ZCCHC8: variants seen among roughly 807,000 people sequenced by gnomAD.
The protein encoded by ZCCHC8 is zinc finger CCHC-type containing 8, also known as zinc finger CCHC domain-containing protein 8.
In ZCCHC8, 27 loss-of-function variants were observed where a neutral mutation model predicts 70.6. That is an observed-to-expected ratio of 0.38 (90% CI 0.28 to 0.53). The LOEUF (loss-of-function observed/expected upper bound fraction) is 0.53. Ranked by LOEUF, ZCCHC8 falls within the 20% of genes least tolerant of loss-of-function variation. ZCCHC8 has a pLI of 0.81. For synonymous variants in ZCCHC8, 293 were observed against 317.4 expected (o/e 0.92, Z 0.82); for missense variants, 737 against 876.9 (o/e 0.84, Z 2.01).
chr12:122,473,520 T>C lies in ZCCHC8; in HGVS notation c.2101A>G (p.Lys701Glu). Residue 701 changes from lysine (K) to glutamate (E), a missense_variant, in exon 14 of 14, where the codon AAA becomes GAA. By Grantham distance (56) the Lys-to-Glu change is moderately conservative. Transcript: ENST00000633063. ...CATTATTCAGAGGCCTTTTTGTTTTTCTGCTGGTTTCGGGGTGAGTTCTTT... is the reference window on the plus strand; with the variant it reads ...CATTATTCAGAGGCCTTTTTGTTTTCCTGCTGGTTTCGGGGTGAGTTCTTT... ...LLKNSPRNQQ[K>E]NKKASE 1 of 1,613,554 alleles carries C rather than the reference T, an allele frequency of 6.2e-7. No individual in the cohort carries two copies. Among genetic ancestry groups the C allele is most frequent in the Non-Finnish European group, 8.5e-7 (1 of 1,179,674 alleles).
chr12:122,482,727 T>G, intron 7 of ZCCHC8, 32 bp from the exon 8 acceptor site: 1 of 1,564,790 alleles, frequency 6.4e-7, no homozygotes, highest in Non-Finnish European at 8.7e-7. Context: ...ATTTTTATAA[T>G]GTCAATAAAA....
chr12:122,482,377 A>G (rs1283989922), intron 8 of ZCCHC8: 1 of 425,638 alleles, frequency 2.3e-6, no homozygotes, highest in Non-Finnish European at 4.1e-6. Context: ...TTATTTACTG[A>G]AAAAATTTAA....
At chr12:122,494,726 G>A (rs534759019) in intron 2 of ZCCHC8, among the ~76,000 whole-genome samples, 34 of 152,172 alleles carry the variant, frequency 2.2e-4, no homozygotes, top group African/African-American at 7.7e-4. Flanking sequence ...GTGGCGGCAC[G>A]CGCCTGTAGT....
intron 2 of ZCCHC8, 32 bp from the exon 3 acceptor site, chr12:122,492,821 G>A: frequency 7.1e-7 from 1 of 1,409,860 alleles, no homozygotes; most frequent in South Asian, 1.3e-5. Flanking sequence ...ATTCTTAGAA[G>A]ATATTTAAGT....
chr12:122,477,789 TC>T (rs1482209343), intron 13 of ZCCHC8, 51 bp downstream of exon 13: 2 of 1,134,966 alleles, frequency 1.8e-6, no homozygotes, highest in Non-Finnish European at 2.5e-6. Flanking sequence ...AGACTCCATC[TC>T]AAAAAAAAAA....
chr12:122,480,105 C>A (rs1957502629), intron 11 of ZCCHC8, 85 bp downstream of exon 11: 2 of 1,293,590 alleles, frequency 1.5e-6, no homozygotes, highest in Non-Finnish European at 2.1e-6. Flanking sequence ...AGCCACTATG[C>A]CTAGCCAACA....
At chr12:122,484,429 T>C (rs995495026) in intron 5 of ZCCHC8, among the ~76,000 whole-genome samples, 5 of 151,016 alleles carry the variant, frequency 3.3e-5, no homozygotes, top group Admixed American at 2.6e-4. Context: ...TTTTTTTTTT[T>C]TGAGGCAGGG....
chr12:122,473,477 C>G lies in ZCCHC8; in HGVS notation c.*20G>C, dbSNP rs563787285. The G allele has an allele frequency of 1.1e-5, 18 of 1,605,784 alleles. No individual in the cohort carries two copies. The highest frequency in any genetic ancestry group is 6.7e-5 in the African/African-American group (5 of 74,496). ...AACGGAACAAAGTTATTAAATAGCT[C>G]TCAGTGCTAAGTCAAGCCATTATTC... On this transcript the variant is annotated 3_prime_UTR_variant, in exon 14 of 14. Coordinates refer to ENST00000633063, the MANE Select transcript of ZCCHC8 (RefSeq NM_017612.5).
At chr12:122,477,296 A>T (rs912332096) in intron 13 of ZCCHC8, among the ~76,000 whole-genome samples, 1 of 148,624 alleles carries the variant, frequency 6.7e-6, no homozygotes, top group African/African-American at 2.4e-5. Flanking sequence ...CTGGGACTAC[A>T]GGCGCCCACC....
chr12:122,481,849 T>C, intron 9 of ZCCHC8, 96 bp downstream of exon 9: 1 of 1,464,344 alleles, frequency 6.8e-7, no homozygotes, highest in Non-Finnish European at 9.1e-7. Flanking sequence ...TTTGCCAGAG[T>C]ACACTTATAT....
rs1198800051 is a variant in ZCCHC8 at position 122,478,292 on chromosome 12, C to T, written c.1141G>A (p.Glu381Lys). 1.3e-6 allele frequency: 2 copies of T among 1,577,080 alleles called. No homozygotes were observed. The highest frequency in any genetic ancestry group is 2.4e-5 in the South Asian group (2 of 83,518). Residue 381 changes from glutamate to lysine, a missense_variant and splice_region_variant, in exon 12 of 14, where the codon GAA (glutamate) becomes AAA (lysine). By Grantham distance (56) the Glu-to-Lys change is moderately conservative. Transcript: ENST00000633063. ...GGTATGGAACCAAAGATCCTCCATT[C>T]CTAATGATGAAAAGAGAAGGAAAAA... ...NISTPRGIPD[E>K]WRIFGSIPMQ...
chr12:122,499,005 A>G lies in ZCCHC8; in HGVS notation c.200-136T>C, dbSNP rs752047309. ...CGGATATTTTGAGGATGACACACTT[A>G]TTGAGCTTCTATTTTGTTGCAGGGG... On this transcript the variant is annotated intron_variant, in intron 1 of 13. Transcript: ENST00000633063. 1.1e-4 allele frequency: 89 copies of G among 809,726 alleles called. 1 individual carries two copies. Among genetic ancestry groups the G allele is most frequent in the Middle Eastern group, 4.6e-4 (2 of 4,394 alleles). 50.2% of individuals were successfully genotyped at this position (809,726 alleles called of 1,614,324 possible). A position where few individuals can be genotyped will look rare whatever the true frequency, so the allele number is the denominator to read the frequency against.
chr12:122,498,228 G>A lies in ZCCHC8; in HGVS notation c.242+599C>T, dbSNP rs560516572. 2.1e-4 allele frequency among the ~76,000 whole-genome samples: 29 copies of A among 139,744 alleles called. No homozygotes were observed. The South Asian group carries it at 3.3e-3, about 16-fold the overall frequency. The allele number at this position is 139,744 out of a possible 152,430, so 91.7% of individuals were successfully genotyped here. On this transcript the variant is annotated intron_variant, in intron 2 of 13. Coordinates refer to ENST00000633063, the MANE Select transcript of ZCCHC8 (RefSeq NM_017612.5). ...CAGCTCACTGCAACCTCTACCTCCCGGGTTCAAGGGATTTTCCTGCCTTAG... is the reference window on the plus strand; with the variant it reads ...CAGCTCACTGCAACCTCTACCTCCCAGGTTCAAGGGATTTTCCTGCCTTAG...
intron 5 of ZCCHC8, among the ~76,000 whole-genome samples, chr12:122,488,199 T>C (rs1407691211): frequency 6.6e-6 from 1 of 152,120 alleles, no homozygotes; most frequent in Non-Finnish European, 1.5e-5. Flanking sequence ...ACTTGGCTAA[T>C]TTTTGTATTT....
rs573758330 is a variant in ZCCHC8, at chr12:122,477,989, A to G, written c.1228-31T>C. On this transcript the variant is annotated intron_variant, in intron 12 of 13. Coordinates refer to ENST00000633063, the MANE Select transcript of ZCCHC8 (RefSeq NM_017612.5). ...AGAGCAACCAGACCAAACACAAGTT[A>G]AGCGGGGTAGATAATGAATTAAACT... 309 of 1,521,632 alleles carry G rather than the reference A, an allele frequency of 2.0e-4. 2 individuals carry two copies. In the South Asian group the frequency reaches 3.1e-3, roughly 15 times the overall value. 94.3% of individuals were successfully genotyped at this position (1,521,632 alleles called of 1,614,324 possible).
In ZCCHC8 at chr12:122,482,641, G is replaced by A; in HGVS notation, c.726C>T (p.Cys242=). 6.2e-7 allele frequency: 1 copy of A among 1,604,358 alleles called. No individual in the cohort carries two copies. Among genetic ancestry groups the A allele is most frequent in the East Asian group, 2.2e-5 (1 of 44,698 alleles). The part of the protein sequence containing the change: ...CGSEEHQMKD[C]PMPRNAARIS... Reference sequence around the variant, plus strand: ...TAACATGAGAAAAATTTACCATTGGGCAATCTTTCATTTGGTGTTCTTCAG... The same window carrying A: ...TAACATGAGAAAAATTTACCATTGGACAATCTTTCATTTGGTGTTCTTCAG... Residue 242 remains cysteine (C), a synonymous_variant, in exon 8 of 14, where the codon TGC becomes TGT. Transcript: ENST00000633063.
chr12:122,473,747 T>A lies in ZCCHC8; in HGVS notation c.1874A>T (p.Asp625Val). 6.2e-7 allele frequency: 1 copy of A among 1,613,744 alleles called. No homozygotes were observed. The highest frequency in any genetic ancestry group is 8.5e-7 in the Non-Finnish European group (1 of 1,179,630). ...APVNTEGALL[D>V]NGSVVPNCDI... ...ACAGTTTGGTACGACACTGCCATTATCAAGAAGGGCACCTTCAGTGTTTAC... is the reference window on the plus strand; with the variant it reads ...ACAGTTTGGTACGACACTGCCATTAACAAGAAGGGCACCTTCAGTGTTTAC... The change falls in exon 14 of 14, where the codon GAT becomes GTT. Residue 625 changes from aspartate (D) to valine (V), a missense_variant. By Grantham distance (152) the Asp-to-Val change is radical (BLOSUM62 -3). Coordinates refer to ENST00000633063, the MANE Select transcript of ZCCHC8 (RefSeq NM_017612.5).
chr12:122,478,341 G>T, intron 11 of ZCCHC8, 49 bp from the exon 12 acceptor site: 1 of 1,394,912 alleles, frequency 7.2e-7, no homozygotes, highest in Non-Finnish European at 9.9e-7. Flanking sequence ...TTTGGAAAAT[G>T]TCATGTTTTG....
Position 122,496,413 on chromosome 12 carries a change from T to C in ZCCHC8, c.242+2414A>G, listed in dbSNP as rs575173396. ...TGTGCTTATAAACTGGCAAAGCCTA[T>C]ATGATGCGGTAATCGTTTGAACTCG... On this transcript the variant is annotated intron_variant, in intron 2 of 13. Coordinates refer to ENST00000633063, the MANE Select transcript of ZCCHC8 (RefSeq NM_017612.5). 9.8e-5 allele frequency among the ~76,000 whole-genome samples: 15 copies of C among 152,324 alleles called. 1 individual carries two copies. The highest frequency in any genetic ancestry group is 3.4e-3 in the Middle Eastern group (1 of 294).
Sources: gnomAD v4.1 joint callset for allele counts (sites outside exome capture counted in the v4.1 genomes callset) on GRCh38, gnomAD v4.1.1 for gene constraint, MANE v1.5 for transcripts, NCBI Gene and HGNC (gene_info 2026-07-23, HGNC 2026-07-21) for gene names.